POC1B: variants seen among roughly 807,000 people sequenced by gnomAD.
The protein encoded by POC1B is POC1 centriolar protein homolog B.
POC1B carries 44 observed loss-of-function variants against 60.6 expected under a neutral mutation model. The ratio of observed to expected loss-of-function variants is 0.73; its 90% CI spans 0.57 to 0.93. The LOEUF (loss-of-function observed/expected upper bound fraction) is 0.93, where lower values mean the gene tolerates loss of function less well. POC1B is among the 40% of genes least tolerant of loss of function. The pLI, the probability that POC1B is intolerant of heterozygous loss-of-function variation, is 0.00. For synonymous variants in POC1B, 180 were observed against 198.9 expected, an observed-to-expected ratio of 0.90 and a Z score of 0.80; for missense variants, 555 against 572.3, an observed-to-expected ratio of 0.97 and a Z score of 0.31.
intron 2 of POC1B, chr12:89,501,540 A>G: frequency 8.7e-7 from 1 of 1,150,582 alleles, no homozygotes; most frequent in Non-Finnish European, 1.2e-6. Flanking sequence ...TACAGATGCC[A>G]CCTGTGGGAA....
downstream of POC1B, among the ~76,000 whole-genome samples, chr12:89,418,813 T>C (rs1880415836): frequency 6.6e-6 from 1 of 152,210 alleles, no homozygotes; most frequent in Non-Finnish European, 1.5e-5. Context: ...TGCACTATGC[T>C]TCTTGTGCAG....
intron 2 of POC1B, among the ~76,000 whole-genome samples, chr12:89,497,636 G>T (rs545695436): frequency 2.0e-5 from 3 of 152,182 alleles, no homozygotes; most frequent in African/African-American, 7.2e-5. Context: ...TGTAACAGAG[G>T]GTACACGGGA....
intron 4 of POC1B, among the ~76,000 whole-genome samples, chr12:89,489,910 A>G (rs1318082142): frequency 2.0e-5 from 3 of 152,300 alleles, no homozygotes; most frequent in East Asian, 3.9e-4. Context: ...TCTCACTGCT[A>G]GGCAAGGGAT....
chr12:89,525,435 G>C, intron 1 of POC1B: 5 of 1,380,588 alleles, frequency 3.6e-6, no homozygotes, highest in East Asian at 2.9e-5. Context: ...CGCTCTGTTC[G>C]CGCTTCCCAG....
intron 10 of POC1B, among the ~76,000 whole-genome samples, chr12:89,447,754 A>G (rs1881846117): frequency 6.6e-6 from 1 of 152,082 alleles, no homozygotes; most frequent in Admixed American, 6.6e-5. Context: ...TTGAGAATGG[A>G]CCAAGTATGG....
At chr12:89,497,467 G>T (rs889167483) in intron 2 of POC1B, 125 bp from the exon 3 acceptor site, 4 of 939,348 alleles carry the variant, frequency 4.3e-6, no homozygotes, top group Non-Finnish European at 4.7e-6. Flanking sequence ...AGGTTGTAAG[G>T]CTGCCCAGGT....
At chr12:89,445,268 T>A (rs1293087677) in intron 10 of POC1B, among the ~76,000 whole-genome samples, 2 of 152,118 alleles carry the variant, frequency 1.3e-5, no homozygotes, top group Non-Finnish European at 2.9e-5. Context: ...TTAAAGTTCA[T>A]ATGGAACCAA....
In POC1B at chr12:89,459,128, C is replaced by T. The variant is rs962742080; in HGVS notation, c.1113+510G>A. On this transcript the variant is annotated intron_variant, in intron 10 of 11. Transcript: ENST00000313546. ...ATAACACAATAGGGAATCTGCTCTG[C>T]AACAGCATGTGAAATGTTACCTGGG... is the stretch of plus-strand genomic sequence containing the variant. 2.0e-5 allele frequency among the ~76,000 whole-genome samples: 3 copies of T among 152,166 alleles called. No homozygotes were observed. The East Asian group carries it at 5.8e-4, about 29-fold the overall frequency.
At chr12:89,524,181 C>T (rs745345985) in intron 2 of POC1B, 6 of 1,613,872 alleles carry the variant, frequency 3.7e-6, no homozygotes. Flanking sequence ...GGGACTTACA[C>T]TCATACATTC....
At chr12:89,467,436 CA>C (rs1882725250) in intron 8 of POC1B, among the ~76,000 whole-genome samples, 180 bp downstream of exon 8, 2 of 152,168 alleles carry the variant, frequency 1.3e-5, no homozygotes, top group South Asian at 4.1e-4. Flanking sequence ...TTTGAGTTCC[CA>C]AAATTTAGAA....
At chr12:89,467,357 A>T (rs1882722186) in intron 8 of POC1B, among the ~76,000 whole-genome samples, 1 of 152,210 alleles carries the variant, frequency 6.6e-6, no homozygotes, top group African/African-American at 2.4e-5. Context: ...CTATATAATT[A>T]CTGAAAGTGG....
chr12:89,420,948 T>G lies in POC1B; in HGVS notation c.*205A>C. 1 of 427,046 alleles carries G rather than the reference T, an allele frequency of 2.3e-6. No individual in the cohort carries two copies. The highest frequency in any genetic ancestry group is 4.2e-6 in the Non-Finnish European group (1 of 239,300). The allele number at this position is 427,046 out of a possible 1,614,324, so 26.5% of individuals were successfully genotyped here. A position where few individuals can be genotyped will look rare whatever the true frequency, so the allele number is the denominator to read the frequency against. On this transcript the variant is annotated 3_prime_UTR_variant, in exon 12 of 12. Transcript: ENST00000313546. ...CAATCATAAATGATAGTAATTTAAA[T>G]TAGTCCTTCACATTGATATGTGTTT...
chr12:89,520,576 A>C (rs1870767214), intron 2 of POC1B: 1 of 152,210 alleles, frequency 6.6e-6, no homozygotes. Context: ...TTTTTTGATA[A>C]ACTTTAAGGC....
At chr12:89,417,129 T>A (rs1472470778), downstream of POC1B, among the ~76,000 whole-genome samples, 1 of 152,224 alleles carries the variant, frequency 6.6e-6, no homozygotes, top group Non-Finnish European at 1.5e-5. Flanking sequence ...AATAAACTAA[T>A]CTTCAAGATT....
At chr12:89,467,005 G>C (rs1249739746) in intron 8 of POC1B, 83 bp from the exon 9 acceptor site, 5 of 1,145,038 alleles carry the variant, frequency 4.4e-6, no homozygotes, top group Non-Finnish European at 6.1e-6. Flanking sequence ...ACAATATACA[G>C]AATTGTCTCC....
At chr12:89,470,562 C>A in intron 6 of POC1B, 68 bp from the exon 7 acceptor site, 1 of 1,314,846 alleles carries the variant, frequency 7.6e-7, no homozygotes, top group East Asian at 2.5e-5. Context: ...ACCCCAGTGC[C>A]TTATTAGCAA....
chr12:89,475,783 G>C (rs1260150175), intron 4 of POC1B, among the ~76,000 whole-genome samples: 1 of 151,966 alleles, frequency 6.6e-6, no homozygotes, highest in Non-Finnish European at 1.5e-5. Flanking sequence ...TATTACATTA[G>C]TCAATAGTGA....
intron 2 of POC1B, among the ~76,000 whole-genome samples, chr12:89,509,594 T>G (rs1276467827): frequency 2.0e-5 from 3 of 152,210 alleles, no homozygotes; most frequent in Non-Finnish European, 4.4e-5. Flanking sequence ...TAGCTATAAA[T>G]AGAAAGCTAT....
At chr12:89,448,208 A>C (rs931545017) in intron 10 of POC1B, among the ~76,000 whole-genome samples, 2 of 152,088 alleles carry the variant, frequency 1.3e-5, no homozygotes, top group African/African-American at 4.8e-5. Context: ...GGGAGGCTGA[A>C]GCTGGAGGAT....
Sources: gnomAD v4.1 joint callset for allele counts (sites outside exome capture counted in the v4.1 genomes callset) on GRCh38, gnomAD v4.1.1 for gene constraint, MANE v1.5 for transcripts, NCBI Gene and HGNC (gene_info 2026-07-23, HGNC 2026-07-21) for gene names.